The following SLC60A1 variants were observed in gnomAD, a reference collection of about 807,000 sequenced individuals.
SLC60A1 encodes the protein solute carrier family 60 member 1, also known as major facilitator superfamily domain containing 4.
the SLC60A1 span, chr1:205,597,939 A>G: frequency 7.5e-7 from 1 of 1,341,720 alleles, no homozygotes; most frequent in Non-Finnish European, 1.1e-6. Flanking sequence ...TTCTGAACTC[A>G]AACTGTCCCT....
chr1:205,571,273 A>G, the SLC60A1 span, among the ~76,000 whole-genome samples: 6 of 152,374 alleles, frequency 3.9e-5, no homozygotes, highest in African/African-American at 1.4e-4. Context: ...GTTGTTAAGA[A>G]GAGGCCTAGA....
the SLC60A1 span, chr1:205,600,574 C>A: frequency 2.0e-6 from 2 of 992,366 alleles, no homozygotes; most frequent in Non-Finnish European, 1.5e-6. Flanking sequence ...CTATTCAAGT[C>A]TTCTCCACTA....
the SLC60A1 span, among the ~76,000 whole-genome samples, chr1:205,593,751 TTTA>T: frequency 1.3e-5 from 2 of 152,116 alleles, no homozygotes; most frequent in Non-Finnish European, 2.9e-5. Context: ...AGAAGCACAG[TTTA>T]AAGCAGTAAG....
At chr1:205,585,945 C>T in the SLC60A1 span, 2 of 1,434,412 alleles carry the variant, frequency 1.4e-6, no homozygotes, top group Non-Finnish European at 1.9e-6. This position sits in a 1 kb window ranked among gnomAD's most constrained non-coding sequence, Gnocchi z 4.2. Context: ...CTCTGCCCTC[C>T]CCACACCTGC....
the SLC60A1 span, among the ~76,000 whole-genome samples, chr1:205,584,537 C>CTTT: frequency 3.1e-5 from 4 of 128,532 alleles, no homozygotes; most frequent in African/African-American, 1.2e-4. Flanking sequence ...GGTGATAGTC[C>CTTT]TTTTTTTTTT....
At chr1:205,602,420 G>C in the SLC60A1 span, 1 of 152,706 alleles carries the variant, frequency 6.5e-6, no homozygotes, top group African/African-American at 2.4e-5. Flanking sequence ...CTTTTCACAT[G>C]TAAAATGGCA....
the SLC60A1 span, among the ~76,000 whole-genome samples, chr1:205,571,022 A>G: frequency 3.3e-5 from 5 of 152,210 alleles, no homozygotes; most frequent in Non-Finnish European, 5.9e-5. Flanking sequence ...GGGGCTCTGA[A>G]CAGGCAGCAG....
At chr1:205,569,715 G>A in the SLC60A1 span, among the ~76,000 whole-genome samples, 1 of 152,098 alleles carries the variant, frequency 6.6e-6, no homozygotes, top group Non-Finnish European at 1.5e-5. Flanking sequence ...GCTGCCGGGG[G>A]CGGGATTGGC....
the SLC60A1 span, chr1:205,579,412 C>A: frequency 1.9e-6 from 1 of 524,870 alleles, no homozygotes; most frequent in South Asian, 2.9e-5. Flanking sequence ...ATGCTCAAAA[C>A]AGGTTCCCTG....
At chr1:205,585,885 C>G in the SLC60A1 span, 1 of 879,634 alleles carries the variant, frequency 1.1e-6, no homozygotes, top group Non-Finnish European at 1.7e-6. The surrounding 1 kb of genome is among the most constrained non-coding windows in gnomAD (Gnocchi z 4.2). Flanking sequence ...GGCCTTGACT[C>G]CAAGCCCAGC....
chr1:205,592,581 C>T, the SLC60A1 span, among the ~76,000 whole-genome samples: 2 of 151,890 alleles, frequency 1.3e-5, no homozygotes, highest in African/African-American at 4.8e-5. Flanking sequence ...CCCCTGTGCT[C>T]TTCTAGGCCA....
chr1:205,595,313 T>G, the SLC60A1 span, among the ~76,000 whole-genome samples: 1 of 152,208 alleles, frequency 6.6e-6, no homozygotes, highest in East Asian at 1.9e-4. Flanking sequence ...CTTTGGCACG[T>G]GGTGAACCCT....
chr1:205,596,544 C>CAAAAAAAAAAAAAAAAAA, the SLC60A1 span, among the ~76,000 whole-genome samples: 2 of 49,110 alleles, frequency 4.1e-5, 1 homozygote, highest in Non-Finnish European at 6.8e-5. Flanking sequence ...GACTCTGTCT[C>CAAAAAAAAAAAAAAAAAA]AAAAAAAAAA....
chr1:205,596,526 C>T, the SLC60A1 span, among the ~76,000 whole-genome samples: 6,000 of 106,768 alleles, frequency 0.056, 234 homozygotes, highest in African/African-American at 0.13. Context: ...GCCTGGGCGA[C>T]AGAGCAAGAC....
the SLC60A1 span, among the ~76,000 whole-genome samples, chr1:205,587,377 AC>A: frequency 4.6e-5 from 7 of 152,174 alleles, no homozygotes; most frequent in African/African-American, 1.4e-4. Flanking sequence ...AGTTTCAGAG[AC>A]AAAGATCATG....
chr1:205,602,419 T>C, the SLC60A1 span: 2 of 152,614 alleles, frequency 1.3e-5, no homozygotes, highest in Non-Finnish European at 2.9e-5. Context: ...ACTTTTCACA[T>C]GTAAAATGGC....
At chr1:205,600,209 G>A in the SLC60A1 span, 5 of 549,070 alleles carry the variant, frequency 9.1e-6, no homozygotes, top group Non-Finnish European at 1.6e-5. Context: ...CATTCCCCAA[G>A]CCCTAGACAG....
the SLC60A1 span, among the ~76,000 whole-genome samples, chr1:205,596,064 T>C: frequency 6.6e-6 from 1 of 151,960 alleles, no homozygotes; most frequent in Non-Finnish European, 1.5e-5. Context: ...CAGAGACAAG[T>C]CTGAACATAA....
chr1:205,583,171 G>A, the SLC60A1 span, among the ~76,000 whole-genome samples: 1 of 152,332 alleles, frequency 6.6e-6, no homozygotes, highest in South Asian at 2.1e-4. Context: ...CCTGAGGGAG[G>A]TGGTGGAGGC....
Sources: allele counts gnomAD v4.1 joint callset (sites outside exome capture counted in the v4.1 genomes callset), GRCh38; gene constraint gnomAD v4.1.1; non-coding constraint Gnocchi (gnomAD v3.1); transcripts MANE v1.5; gene names NCBI Gene and HGNC (gene_info 2026-07-23, HGNC 2026-07-21).